Variants in CAAP1 observed in about 807,000 individuals in gnomAD.
CAAP1 encodes the protein conserved anti-apoptotic protein.
Under a neutral mutation model 34.0 loss-of-function variants are expected in CAAP1, and 20 were observed. The observed-to-expected ratio is 0.59, with a 90% CI of 0.41 to 0.86. CAAP1 has a LOEUF of 0.86. Among genes scored for constraint, CAAP1 ranks in the 40% least tolerant of loss-of-function variants. The pLI is 0.00. For synonymous variants in CAAP1, 213 were observed against 166.7 expected, an observed-to-expected ratio of 1.28 and a Z score of -2.14; for missense variants, 538 against 450.5, an observed-to-expected ratio of 1.19 and a Z score of -1.76.
At chr9:26,871,333 T>C (rs1186224502) in intron 4 of CAAP1, among the ~76,000 whole-genome samples, 2 of 151,968 alleles carry the variant, frequency 1.3e-5, no homozygotes, top group Non-Finnish European at 2.9e-5. Context: ...ATCCTAACAC[T>C]TTGGGAGGCA....
At chr9:26,870,456 G>A (rs1301750244) in intron 4 of CAAP1, among the ~76,000 whole-genome samples, 1 of 151,328 alleles carries the variant, frequency 6.6e-6, no homozygotes, top group Non-Finnish European at 1.5e-5. Context: ...GCATTCCAGA[G>A]TGGTTATCTA....
At chr9:26,875,245 G>T (rs1027459000) in intron 4 of CAAP1, among the ~76,000 whole-genome samples, 1 of 152,094 alleles carries the variant, frequency 6.6e-6, no homozygotes, top group Non-Finnish European at 1.5e-5. Flanking sequence ...AATTAGCCAG[G>T]CGTGGTGGCA....
intron 3 of CAAP1, among the ~76,000 whole-genome samples, chr9:26,885,771 A>G (rs1823723221): frequency 6.6e-6 from 1 of 152,158 alleles, no homozygotes; most frequent in South Asian, 2.1e-4. Flanking sequence ...TAAAAAATCT[A>G]AAGCAGAAAA....
chr9:26,891,939 G>A (rs188061250), intron 1 of CAAP1, among the ~76,000 whole-genome samples: 1 of 152,306 alleles, frequency 6.6e-6, no homozygotes, highest in East Asian at 1.9e-4. Flanking sequence ...CATGGCTTTT[G>A]TAGTCAGATA....
In CAAP1 at chr9:26,886,258, A is replaced by G. The variant is rs1823736173; in HGVS notation, c.505-70T>C. 6.9e-6 allele frequency: 5 copies of G among 726,278 alleles called. No homozygotes were observed. The East Asian group carries it at 1.6e-4, about 23-fold the overall frequency. 45.0% of individuals were successfully genotyped at this position (726,278 alleles called of 1,614,324 possible). On this transcript the variant is annotated intron_variant, in intron 2 of 5. Coordinates refer to ENST00000333916, the MANE Select transcript of CAAP1 (RefSeq NM_024828.4). Reference sequence around the variant, plus strand: ...CCCCAATGTAAACTGGAAAATTTCAATCATAAAAATTTAAGTTAGCAAAAT... The same window carrying G: ...CCCCAATGTAAACTGGAAAATTTCAGTCATAAAAATTTAAGTTAGCAAAAT...
At chr9:26,860,693 G>A (rs1735138343) in intron 5 of CAAP1, among the ~76,000 whole-genome samples, 1 of 151,512 alleles carries the variant, frequency 6.6e-6, no homozygotes, top group Non-Finnish European at 1.5e-5. Flanking sequence ...TTGGGAGGCT[G>A]AGGCAGGAGA....
At chr9:26,889,816 C>T (rs2131345784) in intron 1 of CAAP1, among the ~76,000 whole-genome samples, 1 of 141,354 alleles carries the variant, frequency 7.1e-6, no homozygotes, top group East Asian at 2.1e-4. Flanking sequence ...TGCAGTGAGC[C>T]GAGATCACGC....
At chr9:26,877,362 C>A (rs930230392) in intron 4 of CAAP1, among the ~76,000 whole-genome samples, 1 of 152,110 alleles carries the variant, frequency 6.6e-6, no homozygotes, top group Non-Finnish European at 1.5e-5. Context: ...GAACCTGTAA[C>A]ATCTAGGTTT....
chr9:26,858,960 G>A (rs1388148749), intron 5 of CAAP1, among the ~76,000 whole-genome samples: 3 of 141,596 alleles, frequency 2.1e-5, no homozygotes, highest in Non-Finnish European at 4.5e-5. Flanking sequence ...ATTGCGCCAT[G>A]CACTCCAGCC....
rs753900549 is a variant in CAAP1, at chr9:26,892,629, T to A, written c.87A>T (p.Val29=). The A allele has an allele frequency of 5.0e-6, 8 of 1,609,124 alleles. No homozygotes were observed. Among genetic ancestry groups the A allele is most frequent in the Non-Finnish European group, 5.9e-6 (7 of 1,179,506 alleles). Residue 29 remains valine (V), a synonymous_variant, in exon 1 of 6, where the codon GTA becomes GTT. Coordinates refer to ENST00000333916, the MANE Select transcript of CAAP1 (RefSeq NM_024828.4). Reference sequence around the variant, plus strand: ...CACTGCTGCCGCTGGCCAACGCGGGTACGATGTCCGGGGCCGCGAGCGCTG... The same window carrying A: ...CACTGCTGCCGCTGGCCAACGCGGGAACGATGTCCGGGGCCGCGAGCGCTG... ...AAAALAAPDI[V]PALASGSSGS...
rs1001478763 is a variant in CAAP1 at position 26,884,904 on chromosome 9, T to C, written c.590-19A>G. ...TTGTCACCTTATAAATGAAAGAAAC[T>C]ATTGAAAGCACACTTATAAAAACAT... is the stretch of plus-strand genomic sequence containing the variant. On this transcript the variant is annotated intron_variant, in intron 3 of 5. Transcript: ENST00000333916. The C allele has an allele frequency of 6.5e-6, 10 of 1,528,666 alleles. No homozygotes were observed. The highest frequency in any genetic ancestry group is 9.0e-6 in the Non-Finnish European group (10 of 1,112,892). 94.7% of individuals were successfully genotyped at this position (1,528,666 alleles called of 1,614,324 possible).
intron 5 of CAAP1, among the ~76,000 whole-genome samples, chr9:26,846,541 T>C (rs1822612865): frequency 6.6e-6 from 1 of 152,104 alleles, no homozygotes; most frequent in South Asian, 2.1e-4. Context: ...TACTTATATT[T>C]TGTGAAAACC....
intron 5 of CAAP1, among the ~76,000 whole-genome samples, chr9:26,858,688 T>G (rs1458556270): frequency 6.6e-6 from 1 of 151,414 alleles, no homozygotes; most frequent in African/African-American, 2.4e-5. Context: ...CCGGGCGTGG[T>G]GGGGAGCGCC....
chr9:26,891,685 T>C (rs573321728), intron 1 of CAAP1, among the ~76,000 whole-genome samples: 1 of 152,216 alleles, frequency 6.6e-6, no homozygotes, highest in South Asian at 2.1e-4. Context: ...ATGCAGGTAT[T>C]CAACAGCGGG....
intron 1 of CAAP1, among the ~76,000 whole-genome samples, chr9:26,890,735 G>A (rs1237038604): frequency 6.6e-6 from 1 of 152,140 alleles, no homozygotes; most frequent in African/African-American, 2.4e-5. Context: ...CACGAGGTCA[G>A]GAGATCAAGA....
At chr9:26,848,068 T>C (rs1050450485) in intron 5 of CAAP1, among the ~76,000 whole-genome samples, 3 of 152,254 alleles carry the variant, frequency 2.0e-5, no homozygotes, top group Non-Finnish European at 4.4e-5. Context: ...AAACACTAGA[T>C]ATACTTTAAT....
intron 1 of CAAP1, among the ~76,000 whole-genome samples, chr9:26,888,813 T>C (rs1823821826): frequency 6.6e-6 from 1 of 152,238 alleles, no homozygotes; most frequent in Admixed American, 6.5e-5. Flanking sequence ...AACAGCATTA[T>C]TCATATAGCC....
intron 1 of CAAP1, among the ~76,000 whole-genome samples, chr9:26,889,919 C>A (rs1373563082): frequency 1.3e-5 from 2 of 149,356 alleles, no homozygotes. Flanking sequence ...GATATAATGG[C>A]ACTCTCTAAA....
Position 26,861,134 on chromosome 9 carries a change from T to A in CAAP1, c.671A>T (p.Asp224Val). The change falls in exon 5 of 6, where the codon GAC becomes GTC. Residue 224 changes from aspartate (D) to valine (V), a missense_variant. Physicochemically the swap from Asp to Val is radical, Grantham distance 152 (BLOSUM62 -3). This residue lies in a region of CAAP1 where 514 missense variants were observed against 408.4 expected (regional missense o/e 1.26). Coordinates refer to ENST00000333916, the MANE Select transcript of CAAP1 (RefSeq NM_024828.4). The part of the protein sequence containing the change: ...KMGSDLVSQQ[D>V]ICIDSASSVR... ...GGATGAAGCAGAATCTATACAGATGTCTTGCCTGGGAAATGAAAATAAGAT... is the reference window on the plus strand; with the variant it reads ...GGATGAAGCAGAATCTATACAGATGACTTGCCTGGGAAATGAAAATAAGAT... 1 of 1,606,280 alleles carries A rather than the reference T, an allele frequency of 6.2e-7. No individual in the cohort carries two copies. The highest frequency in any genetic ancestry group is 1.3e-5 in the African/African-American group (1 of 74,666).
Sources: gnomAD v4.1 joint callset for allele counts (sites outside exome capture counted in the v4.1 genomes callset) on GRCh38, gnomAD v4.1.1 for gene constraint, gnomAD v4.1.1 regional missense constraint, MANE v1.5 for transcripts, NCBI Gene and HGNC (gene_info 2026-07-23, HGNC 2026-07-21) for gene names.